Variants in PITPNC1 observed in about 807,000 individuals in gnomAD.
The protein encoded by PITPNC1 is phosphatidylinositol transfer protein cytoplasmic 1, also known as cytoplasmic phosphatidylinositol transfer protein 1.
In PITPNC1, 18 loss-of-function variants were observed where a neutral mutation model predicts 44.7. The ratio of observed to expected loss-of-function variants is 0.40; its 90% CI spans 0.28 to 0.60. The LOEUF is 0.60. PITPNC1 is among the 20% of genes least tolerant of loss of function. The pLI is 0.39. For synonymous variants in PITPNC1, 141 were observed against 149.6 expected (o/e 0.94, Z 0.42); for missense variants, 290 against 418.4 (o/e 0.69, Z 2.68).
chr17:67,422,204 G>GCCCA (rs2038680599), intron 1 of PITPNC1, among the ~76,000 whole-genome samples: 1 of 152,186 alleles, frequency 6.6e-6, no homozygotes, highest in Non-Finnish European at 1.5e-5. Flanking sequence ...ATGTTCCCAG[G>GCCCA]CCCATCCTAG....
chr17:67,493,852 C>A (rs559840101), intron 1 of PITPNC1, among the ~76,000 whole-genome samples: 1 of 152,326 alleles, frequency 6.6e-6, no homozygotes, highest in African/African-American at 2.4e-5. Context: ...TCAGGTCCAC[C>A]AGAAAATAAC....
At chr17:67,419,646 G>A (rs1393728631) in intron 1 of PITPNC1, among the ~76,000 whole-genome samples, 8 of 152,150 alleles carry the variant, frequency 5.3e-5, no homozygotes, top group Admixed American at 1.3e-4. Flanking sequence ...TGGCTCAAGC[G>A]TATGATCCCA....
intron 1 of PITPNC1, among the ~76,000 whole-genome samples, chr17:67,402,793 A>G (rs773034044): frequency 2.0e-5 from 3 of 151,990 alleles, no homozygotes; most frequent in Admixed American, 6.6e-5. Context: ...CAGCCTCCCA[A>G]GTAGCTGGGA....
chr17:67,412,588 CGGAGTTTCGCTCTTGTTGTCCATGCT>C (rs1369508412), intron 1 of PITPNC1, among the ~76,000 whole-genome samples: 2 of 152,002 alleles, frequency 1.3e-5, no homozygotes, highest in Non-Finnish European at 2.9e-5. Context: ...TTTTTTGAGA[CGGAGTTTCGCTCTTGTTGTCCATGCT>C]GGAGTGCAGT....
At chr17:67,391,221 A>G (rs1308589691) in intron 1 of PITPNC1, among the ~76,000 whole-genome samples, 2 of 152,098 alleles carry the variant, frequency 1.3e-5, no homozygotes, top group African/African-American at 2.4e-5. Context: ...TTTCTTTCCT[A>G]GACTGAATCA....
intron 1 of PITPNC1, among the ~76,000 whole-genome samples, chr17:67,476,245 G>A (rs1048037458): frequency 2.7e-5 from 4 of 150,730 alleles, no homozygotes; most frequent in Non-Finnish European, 4.4e-5. Context: ...GAGTGCAGTG[G>A]CACGATCTTG....
At chr17:67,617,069 A>C (rs2041767875) in intron 5 of PITPNC1, among the ~76,000 whole-genome samples, 1 of 152,226 alleles carries the variant, frequency 6.6e-6, no homozygotes, top group Non-Finnish European at 1.5e-5. Context: ...TTCTTCCTGC[A>C]CACATTTAAT....
chr17:67,453,987 C>T (rs1984445), intron 1 of PITPNC1, among the ~76,000 whole-genome samples: 28,199 of 152,034 alleles, frequency 0.19, 3,192 homozygotes, highest in African/African-American at 0.3. Context: ...TGGTGGCTCA[C>T]GTCGGTAATC....
At chr17:67,535,800 A>C (rs1189500724) in intron 2 of PITPNC1, among the ~76,000 whole-genome samples, 2 of 152,178 alleles carry the variant, frequency 1.3e-5, no homozygotes, top group Non-Finnish European at 2.9e-5. Context: ...TGGAAAGCAG[A>C]CCCGTTAATG....
At chr17:67,523,381 T>C (rs2040352600) in intron 1 of PITPNC1, among the ~76,000 whole-genome samples, 1 of 152,198 alleles carries the variant, frequency 6.6e-6, no homozygotes, top group African/African-American at 2.4e-5. Context: ...GGGATATGAA[T>C]GAAACAGATC....
intron 5 of PITPNC1, among the ~76,000 whole-genome samples, chr17:67,590,227 T>C (rs1201331379): frequency 6.6e-6 from 1 of 152,012 alleles, no homozygotes; most frequent in African/African-American, 2.4e-5. Flanking sequence ...GATACTAAAA[T>C]AGAATTAAAA....
At chr17:67,682,662 G>A (rs1472829572) in intron 8 of PITPNC1, among the ~76,000 whole-genome samples, 1 of 152,146 alleles carries the variant, frequency 6.6e-6, no homozygotes, top group Non-Finnish European at 1.5e-5. Context: ...AAGATATTAG[G>A]ATGCACTTTC....
At position 67,477,508 on chromosome 17, in the gene PITPNC1, A is replaced by T. The variant is rs190274878; in HGVS notation, c.49-55294A>T. Among the ~76,000 whole-genome samples, 121 of 151,968 alleles carry T rather than the reference A, an allele frequency of 8.0e-4. 3 individuals carry two copies. Among genetic ancestry groups the T allele is most frequent in the Admixed American group, 6.9e-3 (106 of 15,266 alleles). ...GATCCACCCATCTTGGCCTCCCAAAATGCTGGGATTACAGACGTGAGCCAC... is the reference window on the plus strand; with the variant it reads ...GATCCACCCATCTTGGCCTCCCAAATTGCTGGGATTACAGACGTGAGCCAC... On this transcript the variant is annotated intron_variant, in intron 1 of 8. Transcript: ENST00000581322.
intron 1 of PITPNC1, among the ~76,000 whole-genome samples, chr17:67,425,186 T>TGCGG (rs1598644712): frequency 1.8e-5 from 1 of 55,724 alleles, no homozygotes; most frequent in Admixed American, 2.0e-4. Flanking sequence ...AGCCATGTTG[T>TGCGG]GCGCGCGCAC....
chr17:67,575,180 A>G (rs1016591184), intron 4 of PITPNC1, among the ~76,000 whole-genome samples: 3 of 151,724 alleles, frequency 2.0e-5, no homozygotes, highest in African/African-American at 7.3e-5. Context: ...GATAAAAAAT[A>G]CAAAATCGAT....
intron 1 of PITPNC1, among the ~76,000 whole-genome samples, chr17:67,449,935 C>T (rs976126644): frequency 4.6e-5 from 7 of 152,226 alleles, no homozygotes; most frequent in African/African-American, 1.7e-4. Context: ...AGCGATCCTT[C>T]TGCCTTGGCC....
intron 6 of PITPNC1, among the ~76,000 whole-genome samples, chr17:67,652,811 C>T (rs1199486757): frequency 6.6e-6 from 1 of 152,122 alleles, no homozygotes; most frequent in Non-Finnish European, 1.5e-5. Context: ...AGAAGACTTG[C>T]CTTGTAAAAA....
chr17:67,561,343 C>A (rs1344448916), intron 4 of PITPNC1, among the ~76,000 whole-genome samples: 2 of 151,992 alleles, frequency 1.3e-5, no homozygotes, highest in Non-Finnish European at 2.9e-5. Flanking sequence ...GTAATCCCAG[C>A]TACTCAGGAG....
chr17:67,576,028 C>T (rs1025591784), intron 4 of PITPNC1, among the ~76,000 whole-genome samples: 1 of 151,696 alleles, frequency 6.6e-6, no homozygotes, highest in African/African-American at 2.4e-5. Flanking sequence ...AGGGGTACAC[C>T]ACTACACCTG....
Sources: gnomAD v4.1 joint callset for allele counts (sites outside exome capture counted in the v4.1 genomes callset) on GRCh38, gnomAD v4.1.1 for gene constraint, MANE v1.5 for transcripts, NCBI Gene and HGNC (gene_info 2026-07-23, HGNC 2026-07-21) for gene names.